HMGB1: variants seen among roughly 807,000 people sequenced by gnomAD.
HMGB1 encodes high mobility group protein B1.
For synonymous variants in HMGB1, 81 were observed against 84.0 expected (o/e 0.96, Z 0.19); for missense variants, 79 against 253.5 (o/e 0.31, Z 4.67).
At chr13:30,554,502 G>C in intron 1 of HMGB1, 2 of 1,033,262 alleles carry the variant, frequency 1.9e-6, no homozygotes. Flanking sequence ...GGAGCAAAAT[G>C]TATAAAGGTA....
chr13:30,616,545 AGGAAG>A (rs1481367938), intron 1 of HMGB1: 4 of 152,234 alleles, frequency 2.6e-5, no homozygotes, highest in African/African-American at 9.6e-5. Context: ...CTATTTCAGG[AGGAAG>A]TACTACTTTC....
At chr13:30,577,937 C>A (rs550095502) in intron 1 of HMGB1, among the ~76,000 whole-genome samples, 12 of 152,314 alleles carry the variant, frequency 7.9e-5, no homozygotes, top group African/African-American at 1.4e-4. Flanking sequence ...GCTTCCTTAG[C>A]ATTTCTTAGA....
chr13:30,481,746 C>T lies in HMGB1; in HGVS notation c.-14-18052G>A, dbSNP rs117520474. On this transcript the variant is annotated intron_variant, in intron 1 of 4. Coordinates refer to the HMGB1 transcript ENST00000405805. ...ACCCTAGTTATCCAAGGCTGGTGCT[C>T]AAGGGAAAAAGGACGCAGTCTTGGA... 2.8e-4 allele frequency among the ~76,000 whole-genome samples: 43 copies of T among 152,270 alleles called. 2 individuals are homozygous for T. In the East Asian group the frequency reaches 6.7e-3, roughly 24 times the overall value.
intron 1 of HMGB1, among the ~76,000 whole-genome samples, chr13:30,497,833 A>G (rs1259536502): frequency 6.6e-6 from 1 of 151,934 alleles, no homozygotes; most frequent in African/African-American, 2.4e-5. Flanking sequence ...AATGTACCAC[A>G]TTTTCCTTAT....
chr13:30,559,000 A>T (rs546647841), intron 1 of HMGB1, among the ~76,000 whole-genome samples: 131 of 152,230 alleles, frequency 8.6e-4, no homozygotes, highest in Non-Finnish European at 1.6e-3. Flanking sequence ...GACTCACAGT[A>T]GGTGTTCAGA....
intron 1 of HMGB1, among the ~76,000 whole-genome samples, chr13:30,518,858 A>G (rs2137471584): frequency 6.6e-6 from 1 of 151,464 alleles, no homozygotes; most frequent in Admixed American, 6.6e-5. Flanking sequence ...AAAAAAAAAA[A>G]AAAAAGCTAC....
At position 30,462,882 on chromosome 13, in the gene HMGB1, AC is replaced by A. The variant is rs1593254394; in HGVS notation, c.297-171del. Among the ~76,000 whole-genome samples, 3 of 152,344 alleles carry A rather than the reference AC, an allele frequency of 2.0e-5. No individual in the cohort carries two copies. The East Asian group carries it at 5.8e-4, about 29-fold the overall frequency. ...ATCCTTCACAACCAAAGCTTAATTT[AC>A]AACTATTTAATTTATACTAGCTAGA... On this transcript the variant is annotated intron_variant, in intron 3 of 4. Coordinates refer to ENST00000341423, the MANE Select transcript of HMGB1 (RefSeq NM_002128.7).
intron 1 of HMGB1, among the ~76,000 whole-genome samples, chr13:30,485,855 T>C (rs1887352620): frequency 6.6e-6 from 1 of 152,190 alleles, no homozygotes; most frequent in African/African-American, 2.4e-5. Flanking sequence ...TAAGGAAGAT[T>C]TATGGAATTT....
chr13:30,596,072 C>G (rs1052115914), intron 1 of HMGB1, among the ~76,000 whole-genome samples: 2 of 152,166 alleles, frequency 1.3e-5, no homozygotes, highest in South Asian at 4.1e-4. Flanking sequence ...CAATTAAACT[C>G]AATTCCTTGG....
chr13:30,547,617 A>T (rs1214403254), intron 1 of HMGB1, among the ~76,000 whole-genome samples: 1 of 151,668 alleles, frequency 6.6e-6, no homozygotes, highest in Non-Finnish European at 1.5e-5. Flanking sequence ...TACAAACAGG[A>T]CTTTAGATTT....
intron 1 of HMGB1, among the ~76,000 whole-genome samples, chr13:30,532,879 T>G (rs1888528298): frequency 2.0e-5 from 3 of 152,176 alleles, no homozygotes; most frequent in Admixed American, 2.0e-4. Context: ...TCTGTGCACA[T>G]GAGTACTTCC....
At chr13:30,462,482 A>G in intron 4 of HMGB1, 56 bp downstream of exon 4, 1 of 1,377,266 alleles carries the variant, frequency 7.3e-7, no homozygotes, top group South Asian at 1.2e-5. Context: ...AACTAAGTAC[A>G]ATCATACATC....
intron 1 of HMGB1, among the ~76,000 whole-genome samples, chr13:30,525,457 A>G (rs1225270643): frequency 6.6e-6 from 1 of 152,188 alleles, no homozygotes; most frequent in Non-Finnish European, 1.5e-5. Context: ...GACAGACTCA[A>G]AGATCCTTGA....
intron 1 of HMGB1, among the ~76,000 whole-genome samples, chr13:30,604,270 T>G (rs987961040): frequency 2.0e-5 from 3 of 149,820 alleles, no homozygotes; most frequent in African/African-American, 7.3e-5. Flanking sequence ...CAAGACATGA[T>G]CTGATTCATG....
In HMGB1 at chr13:30,554,798, A is replaced by C. The variant is rs533581371; in HGVS notation, c.-15+61873T>G. 1.8e-4 allele frequency: 139 copies of C among 764,888 alleles called. No homozygotes were observed. The African/African-American group carries it at 2.3e-3, about 12-fold the overall frequency. 47.4% of individuals were successfully genotyped at this position (764,888 alleles called of 1,614,324 possible). ...TAAATGAGAACGAACAAAAAAGAAA[A>C]AGGCCAAGATAGACACCTAATATTC... On this transcript the variant is annotated intron_variant, in intron 1 of 4. Coordinates refer to the HMGB1 transcript ENST00000405805.
rs574173382 is a variant in HMGB1 at position 30,592,183 on chromosome 13, AC to A, written c.-15+24487del. Among the ~76,000 whole-genome samples the A allele has an allele frequency of 3.8e-3, 520 of 137,256 alleles. 1 individual carries two copies. The highest frequency in any genetic ancestry group is 0.015 in the African/African-American group (458 of 30,008). The allele number at this position is 137,256 out of a possible 152,430, so 90.0% of individuals were successfully genotyped here. ...ATCTAGCCACAAAATTAAAAAAAAAACATTTTCCCCTATATTACATTCATGG... is the reference window on the plus strand; with the variant it reads ...ATCTAGCCACAAAATTAAAAAAAAAAATTTTCCCCTATATTACATTCATGG... On this transcript the variant is annotated intron_variant, in intron 1 of 4. Transcript: ENST00000405805.
At chr13:30,525,642 T>C (rs776984373) in intron 1 of HMGB1, among the ~76,000 whole-genome samples, 2 of 152,178 alleles carry the variant, frequency 1.3e-5, no homozygotes, top group African/African-American at 4.8e-5. Flanking sequence ...ACTAATACTT[T>C]GTTGAAAATT....
rs1295369254 is a variant in HMGB1 at position 30,464,679 on chromosome 13, C to A, written c.-14-985G>T. 253 of 974,356 alleles carry A rather than the reference C, an allele frequency of 2.6e-4. 1 individual carries two copies. The highest frequency in any genetic ancestry group is 3.8e-4 in the Admixed American group (6 of 15,990). The allele number at this position is 974,356 out of a possible 1,614,324, so 60.4% of individuals were successfully genotyped here. A position where few individuals can be genotyped will look rare whatever the true frequency, so the allele number is the denominator to read the frequency against. On this transcript the variant is annotated intron_variant, in intron 1 of 4. Coordinates refer to ENST00000341423, the MANE Select transcript of HMGB1 (RefSeq NM_002128.7). ...CCGCGGCCGCCGGGGCCGGCGCGCACGGAATGGCCGCTGCGCGTCTTCTCC... is the reference window on the plus strand; with the variant it reads ...CCGCGGCCGCCGGGGCCGGCGCGCAAGGAATGGCCGCTGCGCGTCTTCTCC...
At chr13:30,468,919 G>C (rs1309194367), upstream of HMGB1, among the ~76,000 whole-genome samples, 2 of 151,994 alleles carry the variant, frequency 1.3e-5, no homozygotes, top group Non-Finnish European at 2.9e-5. Flanking sequence ...TATGAGACAG[G>C]GTCTTGCTCT....
Sources: gnomAD v4.1 joint callset for allele counts (sites outside exome capture counted in the v4.1 genomes callset) on GRCh38, gnomAD v4.1.1 for gene constraint, MANE v1.5 for transcripts, NCBI Gene and HGNC (gene_info 2026-07-23, HGNC 2026-07-21) for gene names.